NPEPPS: variants seen among roughly 807,000 people sequenced by gnomAD.
NPEPPS encodes the protein aminopeptidase puromycin sensitive.
In NPEPPS, 14 loss-of-function variants were observed where a neutral mutation model predicts 115.5. That is an observed-to-expected ratio of 0.12 (90% CI 0.08 to 0.19). The LOEUF is 0.19. NPEPPS is among the 10% of genes least tolerant of loss of function. The pLI is 1.00. For synonymous variants in NPEPPS, 285 were observed against 390.6 expected (o/e 0.73, Z 3.19); for missense variants, 523 against 1,110.8 (o/e 0.47, Z 7.52).
chr17:47,530,082 G>A (rs1164674572), upstream of NPEPPS, among the ~76,000 whole-genome samples: 1 of 133,672 alleles, frequency 7.5e-6, no homozygotes, highest in African/African-American at 2.8e-5. Flanking sequence ...GACAACAGGC[G>A]CCCGCCACCA....
intron 8 of NPEPPS, chr17:47,586,631 A>G (rs1597864310): frequency 1.7e-6 from 1 of 591,898 alleles, no homozygotes; most frequent in East Asian, 3.7e-5. Flanking sequence ...GCATTTTTAG[A>G]TATATTCTTG....
chr17:47,567,357 T>A (rs1910889330), intron 2 of NPEPPS, among the ~76,000 whole-genome samples: 1 of 152,202 alleles, frequency 6.6e-6, no homozygotes, highest in African/African-American at 2.4e-5. Flanking sequence ...AGTAGAAACA[T>A]TTGAAATCCT....
intron 1 of NPEPPS, among the ~76,000 whole-genome samples, chr17:47,542,129 A>G (rs574820941): frequency 6.6e-6 from 1 of 152,338 alleles, no homozygotes; most frequent in African/African-American, 2.4e-5. Flanking sequence ...GTCTAAGAGC[A>G]TTGTTGATCT....
chr17:47,558,134 T>G (rs1440405814), intron 2 of NPEPPS, among the ~76,000 whole-genome samples: 1 of 151,984 alleles, frequency 6.6e-6, no homozygotes, highest in Non-Finnish European at 1.5e-5. Context: ...TTAATTTTTA[T>G]TTATTTATTT....
chr17:47,585,995 T>A, intron 6 of NPEPPS, 153 bp from the exon 7 acceptor site: 1 of 684,310 alleles, frequency 1.5e-6, no homozygotes, highest in Non-Finnish European at 2.3e-6. Context: ...ATTCAAAGTT[T>A]GGAGCTAAGG....
At chr17:47,558,501 C>T (rs2873558) in intron 2 of NPEPPS, among the ~76,000 whole-genome samples, 2 of 152,148 alleles carry the variant, frequency 1.3e-5, no homozygotes, top group African/African-American at 4.8e-5. Context: ...TAGATCTCGG[C>T]TCACTGCAAT....
At chr17:47,588,887 C>CT (rs1373552924) in intron 9 of NPEPPS, among the ~76,000 whole-genome samples, 1 of 152,064 alleles carries the variant, frequency 6.6e-6, no homozygotes, top group African/African-American at 2.4e-5. Flanking sequence ...TAGGAAGCTA[C>CT]TAGGCAAATA....
chr17:47,623,033 C>T lies in NPEPPS; in HGVS notation c.*1113C>T, dbSNP rs1354477287. Reference sequence around the variant, plus strand: ...AACAGTATATCCTAATAAGCCTCACCTATTTAATCCAATGAGTTTTAAATC... The same window carrying T: ...AACAGTATATCCTAATAAGCCTCACTTATTTAATCCAATGAGTTTTAAATC... On this transcript the variant is annotated 3_prime_UTR_variant, in exon 23 of 23. Coordinates refer to ENST00000322157, the MANE Select transcript of NPEPPS (RefSeq NM_006310.4). 2 of 369,564 alleles carry T rather than the reference C, an allele frequency of 5.4e-6. No individual in the cohort carries two copies. The highest frequency in any genetic ancestry group is 4.3e-5 in the African/African-American group (2 of 45,994). The allele number at this position is 369,564 out of a possible 1,614,324, so 22.9% of individuals were successfully genotyped here.
intron 17 of NPEPPS, among the ~76,000 whole-genome samples, chr17:47,605,953 C>T (rs1913491768): frequency 1.3e-5 from 2 of 152,130 alleles, no homozygotes; most frequent in African/African-American, 4.8e-5. Context: ...TCTCGGCTCA[C>T]CGCAACCTCC....
At chr17:47,527,646 T>C (rs1448047384), upstream of NPEPPS, among the ~76,000 whole-genome samples, 1 of 141,720 alleles carries the variant, frequency 7.1e-6, no homozygotes, top group Non-Finnish European at 1.6e-5. Flanking sequence ...TCACCTGAGG[T>C]CAGGAGTTTG....
rs1026721400 is a variant in NPEPPS, at chr17:47,622,634, T to C, written c.*714T>C. 3 of 299,898 alleles carry C rather than the reference T, an allele frequency of 1.0e-5. No individual in the cohort carries two copies. The highest frequency in any genetic ancestry group is 6.9e-5 in the African/African-American group (3 of 43,298). The allele number at this position is 299,898 out of a possible 1,614,324, so 18.6% of individuals were successfully genotyped here. ...AGTTCCACCCCCAACCCCCATTCCC[T>C]GGTGTCCTTCTTAGAGATGAAGAAA... On this transcript the variant is annotated 3_prime_UTR_variant, in exon 23 of 23. Coordinates refer to ENST00000322157, the MANE Select transcript of NPEPPS (RefSeq NM_006310.4).
chr17:47,619,869 G>A, intron 22 of NPEPPS, 85 bp downstream of exon 22: 1 of 1,038,358 alleles, frequency 9.6e-7, no homozygotes, highest in Non-Finnish European at 1.5e-6. Flanking sequence ...TTGGGATAAT[G>A]TACTGTAGCA....
At chr17:47,601,125 C>G (rs1422304751) in intron 14 of NPEPPS, among the ~76,000 whole-genome samples, 4 of 152,032 alleles carry the variant, frequency 2.6e-5, no homozygotes, top group African/African-American at 9.7e-5. Context: ...GTCCCAGCTA[C>G]TCAGGAAGCT....
chr17:47,593,989 TA>T (rs1912678073), intron 12 of NPEPPS, among the ~76,000 whole-genome samples: 1 of 151,992 alleles, frequency 6.6e-6, no homozygotes, highest in South Asian at 2.1e-4. Context: ...ACCTCGCTTC[TA>T]TAAAAAGTAC....
At position 47,594,419 on chromosome 17, in the gene NPEPPS, T is replaced by G. The variant is rs868361720; in HGVS notation, c.1426+1874T>G. ...TTTTGATTCTTTTCAATTCTTTTTT[T>G]TTTTTTTTGAGACAGAGTTTCGCTC... On this transcript the variant is annotated intron_variant, in intron 12 of 22. Coordinates refer to ENST00000322157, the MANE Select transcript of NPEPPS (RefSeq NM_006310.4). Among the ~76,000 whole-genome samples, 670 of 151,558 alleles carry G rather than the reference T, an allele frequency of 4.4e-3. 6 individuals carry two copies. The highest frequency in any genetic ancestry group is 0.014 in the Middle Eastern group (4 of 294).
rs1373761732 is a variant in NPEPPS, at chr17:47,622,920, A to G, written c.*1000A>G. 7 of 455,950 alleles carry G rather than the reference A, an allele frequency of 1.5e-5. No homozygotes were observed. Among genetic ancestry groups the G allele is most frequent in the Non-Finnish European group, 3.1e-5 (7 of 226,808 alleles). 28.2% of individuals were successfully genotyped at this position (455,950 alleles called of 1,614,324 possible). ...GTTCATTTTATGCGTGCGAGAAGTC[A>G]GTGGTAACTGCTGCAGGGCTTAATA... On this transcript the variant is annotated 3_prime_UTR_variant, in exon 23 of 23. Coordinates refer to ENST00000322157, the MANE Select transcript of NPEPPS (RefSeq NM_006310.4).
intron 4 of NPEPPS, chr17:47,580,948 A>G (rs1911836930): frequency 6.6e-6 from 1 of 151,946 alleles, no homozygotes. Context: ...CAAATCGTAT[A>G]GTGGGTTCTT....
intron 1 of NPEPPS, among the ~76,000 whole-genome samples, chr17:47,532,380 G>C (rs2143652905): frequency 6.6e-6 from 1 of 152,242 alleles, no homozygotes; most frequent in East Asian, 1.9e-4. Context: ...AGCTGGCTGG[G>C]CGCGGTGGCT....
intron 14 of NPEPPS, 93 bp from the exon 15 acceptor site, chr17:47,601,515 G>T: frequency 7.2e-7 from 1 of 1,391,734 alleles, no homozygotes; most frequent in Non-Finnish European, 1.0e-6. Context: ...TAACAGTTTG[G>T]CTTAGGCTCC....
Sources: allele counts gnomAD v4.1 joint callset (sites outside exome capture counted in the v4.1 genomes callset), GRCh38; gene constraint gnomAD v4.1.1; transcripts MANE v1.5; gene names NCBI Gene and HGNC (gene_info 2026-07-23, HGNC 2026-07-21).